The following SCN10A variants were observed in gnomAD, a reference collection of about 807,000 sequenced individuals.
SCN10A encodes sodium channel protein type 10 subunit alpha.
Under a neutral mutation model 170.7 loss-of-function variants are expected in SCN10A, and 162 were observed. The observed-to-expected ratio is 0.95, with a 90% CI of 0.84 to 1.08. SCN10A has a LOEUF of 1.08. Among genes scored for constraint, SCN10A ranks in the 50% least tolerant of loss-of-function variants. The pLI, the probability that SCN10A is intolerant of heterozygous loss-of-function variation, is 0.00. For synonymous variants in SCN10A, 985 were observed against 904.6 expected, an observed-to-expected ratio of 1.09 and a Z score of -1.59; for missense variants, 2,527 against 2,436.9, an observed-to-expected ratio of 1.04 and a Z score of -0.78.
chr3:38,802,350 T>C (rs963960604), intron 1 of SCN10A, among the ~76,000 whole-genome samples: 2 of 152,196 alleles, frequency 1.3e-5, no homozygotes, highest in Non-Finnish European at 2.9e-5. Flanking sequence ...AGTCTTTCAC[T>C]TGCATTCCAA....
At position 38,723,476 on chromosome 3, in the gene SCN10A, A is replaced by G; in HGVS notation, c.3306T>C (p.Pro1102=). The G allele has an allele frequency of 1.2e-6, 2 of 1,614,122 alleles. No individual in the cohort carries two copies. The highest frequency in any genetic ancestry group is 1.1e-5 in the South Asian group (1 of 91,068). Reference sequence around the variant, plus strand: ...GTTCTTCCAGGTCATCTGCCAGCTCAGGGATCTTCCTCAGGATTTCCTCAG... The same window carrying G: ...GTTCTTCCAGGTCATCTGCCAGCTCGGGGATCTTCCTCAGGATTTCCTCAG... ...LDPEEILRKI[P]ELADDLEEPD... is the part of the protein sequence containing the mutation. Residue 1102 remains proline, a synonymous_variant, in exon 19 of 28, where the codon CCT becomes CCC. Coordinates refer to ENST00000449082, the MANE Select transcript of SCN10A (RefSeq NM_006514.4).
At chr3:38,791,985 G>A (rs1375986865) in intron 3 of SCN10A, 65 bp downstream of exon 3, 7 of 1,571,166 alleles carry the variant, frequency 4.5e-6, no homozygotes, top group Non-Finnish European at 6.0e-6. Flanking sequence ...CTCTAAAGAA[G>A]GTACTGGACA....
intron 17 of SCN10A, among the ~76,000 whole-genome samples, 184 bp from the exon 18 acceptor site, chr3:38,725,498 T>A (rs975102300): frequency 6.6e-6 from 1 of 152,378 alleles, no homozygotes; most frequent in Non-Finnish European, 1.5e-5. Flanking sequence ...GATAGACCTA[T>A]GTTTTATCCT....
intron 15 of SCN10A, among the ~76,000 whole-genome samples, chr3:38,737,851 TTCTC>T (rs1233747002): frequency 6.7e-6 from 1 of 149,468 alleles, no homozygotes; most frequent in Non-Finnish European, 1.5e-5. Context: ...CTTTCTTTCT[TTCTC>T]TTTTTCTTTC....
At chr3:38,798,786 C>CTT (rs35930968) in intron 1 of SCN10A, among the ~76,000 whole-genome samples, 21,123 of 97,494 alleles carry the variant, frequency 0.22, 3,358 homozygotes, top group Middle Eastern at 0.26. Context: ...CCCTTGCCTC[C>CTT]TTTTTTTTTT....
intron 18 of SCN10A, among the ~76,000 whole-genome samples, chr3:38,723,816 A>T (rs2063423322): frequency 6.6e-6 from 1 of 152,168 alleles, no homozygotes; most frequent in Admixed American, 6.5e-5. Flanking sequence ...TTGAATATTT[A>T]ATCATGGAGT....
chr3:38,760,854 G>T, intron 7 of SCN10A, 107 bp from the exon 8 acceptor site: 2 of 887,112 alleles, frequency 2.3e-6, no homozygotes, highest in Non-Finnish European at 3.6e-6. Flanking sequence ...GAGCTCCTTT[G>T]GCTACATGTA....
intron 20 of SCN10A, among the ~76,000 whole-genome samples, chr3:38,719,819 G>A (rs970453456): frequency 1.3e-5 from 2 of 152,212 alleles, no homozygotes; most frequent in African/African-American, 4.8e-5. Flanking sequence ...AAGGACACTG[G>A]AGGCTGTTGG....
At chr3:38,746,327 A>G (rs1434626946) in intron 13 of SCN10A, among the ~76,000 whole-genome samples, 1 of 151,792 alleles carries the variant, frequency 6.6e-6, no homozygotes, top group Non-Finnish European at 1.5e-5. Context: ...AACCATATGC[A>G]TCATCAAGTC....
At chr3:38,773,394 T>C (rs2064033596) in intron 4 of SCN10A, among the ~76,000 whole-genome samples, 1 of 151,912 alleles carries the variant, frequency 6.6e-6, no homozygotes, top group South Asian at 2.1e-4. Context: ...AAAAAAAGAA[T>C]GAAGAAGAAA....
At position 38,718,667 on chromosome 3, in the gene SCN10A, A is replaced by G. The variant is rs1334180362; in HGVS notation, c.3667T>C (p.Phe1223Leu). 5 of 1,614,060 alleles carry G rather than the reference A, an allele frequency of 3.1e-6. No individual in the cohort carries two copies. In the African/African-American group the frequency reaches 6.7e-5, roughly 22 times the overall value. ...GAGCCACTCACATTCACAATGAGGA[A>G]GTCCAGCCAGCACCAGGCATTGGTG... is the stretch of plus-strand genomic sequence containing the variant. ...YFTNAWCWLD[F>L]LIVNISLISL... Residue 1223 changes from phenylalanine to leucine, a missense_variant, in exon 21 of 28, where the codon TTC becomes CTC. Physicochemically the swap from Phe to Leu is conservative, Grantham distance 22 (BLOSUM62 0). Coordinates refer to ENST00000449082, the MANE Select transcript of SCN10A (RefSeq NM_006514.4).
chr3:38,756,909 T>A (rs1438327342), intron 9 of SCN10A, 38 bp from the exon 10 acceptor site: 1 of 1,610,960 alleles, frequency 6.2e-7, no homozygotes, highest in Non-Finnish European at 8.5e-7. Context: ...CCTGTACCCA[T>A]AGCACATGGA....
rs768314082 is a variant in SCN10A, at chr3:38,771,341, TA to T, written c.536del (p.Leu179GlnfsTer7). ...GATCTCTCAGGTACGTGAACTCATT[TA>T]GACAAAATCCTCTTGCCAGTATCTT... is the stretch of plus-strand genomic sequence containing the variant. ...LIKILARGFC[L>X]NEFTYLRDPW... On this transcript the variant is annotated frameshift_variant, in exon 5 of 28. Coordinates refer to ENST00000449082, the MANE Select transcript of SCN10A (RefSeq NM_006514.4). LOFTEE classifies it high-confidence loss of function. 3.7e-6 allele frequency: 6 copies of T among 1,614,156 alleles called. No homozygotes were observed. The highest frequency in any genetic ancestry group is 1.6e-4 in the Middle Eastern group (1 of 6,062).
intron 26 of SCN10A, 99 bp from the exon 27 acceptor site, chr3:38,702,208 A>G (rs758693649): frequency 9.3e-6 from 12 of 1,285,264 alleles, no homozygotes; most frequent in Non-Finnish European, 1.3e-5. Flanking sequence ...CACACTCCAC[A>G]TCTTAACAGA....
At chr3:38,754,802 T>C (rs567870454) in intron 11 of SCN10A, among the ~76,000 whole-genome samples, 14 of 151,976 alleles carry the variant, frequency 9.2e-5, no homozygotes, top group Non-Finnish European at 1.9e-4. Context: ...AAAAGTAAAA[T>C]ATCCTTCGGC....
chr3:38,701,961 T>C lies in SCN10A; in HGVS notation c.4535A>G (p.Asn1512Ser), dbSNP rs2063160948. 6.2e-7 allele frequency: 1 copy of C among 1,614,072 alleles called. No homozygotes were observed. The highest frequency in any genetic ancestry group is 1.3e-5 in the African/African-American group (1 of 74,938). The change falls in exon 27 of 28, where the codon AAC becomes AGC. Residue 1512 changes from asparagine to serine, a missense_variant. Physicochemically the swap from Asn to Ser is conservative, Grantham distance 46 (BLOSUM62 1). Coordinates refer to ENST00000449082, the MANE Select transcript of SCN10A (RefSeq NM_006514.4). The stretch of plus-strand genomic sequence containing the variant: ...TGTGAAGACGGCCACAAAGAACTGG[T>C]TGATTTTGCCCAGAATTTTCGTCTT... ...EEKTKILGKI[N>S]QFFVAVFTGE...
intron 16 of SCN10A, 28 bp from the exon 17 acceptor site, chr3:38,727,080 T>C: frequency 1.3e-6 from 2 of 1,584,330 alleles, no homozygotes; most frequent in Non-Finnish European, 1.7e-6. Flanking sequence ...AAGGGAAGAT[T>C]GATCAATCTC....
chr3:38,722,699 T>C (rs1450842050), intron 19 of SCN10A, among the ~76,000 whole-genome samples: 1 of 151,990 alleles, frequency 6.6e-6, no homozygotes, highest in Non-Finnish European at 1.5e-5. Flanking sequence ...CACCTATACC[T>C]GGAAAACAGA....
intron 13 of SCN10A, among the ~76,000 whole-genome samples, chr3:38,745,354 T>G (rs1431548599): frequency 6.6e-6 from 1 of 152,210 alleles, no homozygotes; most frequent in Non-Finnish European, 1.5e-5. Flanking sequence ...GTCTCCACTG[T>G]GCATTCTCTC....
Sources: gnomAD v4.1 joint callset for allele counts (sites outside exome capture counted in the v4.1 genomes callset) on GRCh38, gnomAD v4.1.1 for gene constraint, MANE v1.5 for transcripts, NCBI Gene and HGNC (gene_info 2026-07-23, HGNC 2026-07-21) for gene names.